IGSF11: variants seen among roughly 807,000 people sequenced by gnomAD.
IGSF11 encodes immunoglobulin superfamily member 11, also known as CXADR like 1.
IGSF11 carries 22 observed loss-of-function variants against 41.0 expected under a neutral mutation model. That is an observed-to-expected ratio of 0.54 (90% CI 0.38 to 0.77). The LOEUF is 0.77. Ranked by LOEUF, IGSF11 falls within the 30% of genes least tolerant of loss-of-function variation. The pLI is 0.00. For missense variants in IGSF11, 444 were observed against 530.8 expected (o/e 0.84, Z 1.61); for synonymous variants, 219 against 201.3 (o/e 1.09, Z -0.74).
At chr3:118,923,795 T>G (rs1942051017) in intron 4 of IGSF11, among the ~76,000 whole-genome samples, 1 of 152,212 alleles carries the variant, frequency 6.6e-6, no homozygotes, top group Non-Finnish European at 1.5e-5. Flanking sequence ...AGGTTATGTG[T>G]TTTTGACAGC....
At chr3:119,034,851 G>A (rs755662661), upstream of IGSF11, 28 of 1,219,308 alleles carry the variant, frequency 2.3e-5, no homozygotes, top group East Asian at 1.3e-4. Flanking sequence ...AGGACTAGCC[G>A]ACCCCTCGCG....
chr3:119,051,182 T>A (rs1941612223), intron 1 of IGSF11, among the ~76,000 whole-genome samples: 1 of 148,876 alleles, frequency 6.7e-6, no homozygotes, highest in African/African-American at 2.5e-5. Flanking sequence ...TAAATAAATT[T>A]CAAAAAAAAA....
chr3:118,992,826 T>C (rs770351748), intron 1 of IGSF11, among the ~76,000 whole-genome samples: 9 of 152,238 alleles, frequency 5.9e-5, no homozygotes, highest in African/African-American at 9.6e-5. Context: ...TTAAGAATTT[T>C]GGTGTTCCAA....
intron 1 of IGSF11, among the ~76,000 whole-genome samples, chr3:119,129,984 TA>T (rs1384732288): frequency 6.6e-6 from 1 of 151,852 alleles, no homozygotes; most frequent in East Asian, 1.9e-4. Context: ...GACTCTGTCT[TA>T]AAAAAAATTT....
At chr3:118,910,732 T>A (rs1359556400) in intron 4 of IGSF11, among the ~76,000 whole-genome samples, 1 of 152,182 alleles carries the variant, frequency 6.6e-6, no homozygotes, top group Non-Finnish European at 1.5e-5. Context: ...AACCTTTATG[T>A]CAGCTTCACA....
chr3:119,102,548 T>A (rs887967589), intron 1 of IGSF11, among the ~76,000 whole-genome samples: 7 of 152,206 alleles, frequency 4.6e-5, no homozygotes, highest in Admixed American at 2.6e-4. Flanking sequence ...AGAATACCAT[T>A]TCCATACTTA....
At chr3:119,041,384 C>G (rs1941114052) in intron 1 of IGSF11, among the ~76,000 whole-genome samples, 1 of 152,106 alleles carries the variant, frequency 6.6e-6, no homozygotes, top group Non-Finnish European at 1.5e-5. Flanking sequence ...GAGTTTGAGA[C>G]CAGCCTGGCC....
intron 1 of IGSF11, among the ~76,000 whole-genome samples, chr3:119,113,670 G>A (rs1188007534): frequency 4.6e-5 from 7 of 152,184 alleles, no homozygotes; most frequent in South Asian, 2.1e-4. Context: ...GCAAGCTGTC[G>A]ATGGATCTAC....
intron 4 of IGSF11, among the ~76,000 whole-genome samples, chr3:118,920,201 G>A (rs866345643): frequency 7.8e-4 from 117 of 149,808 alleles, no homozygotes; most frequent in African/African-American, 2.6e-3. Flanking sequence ...CATGGCACAT[G>A]TATACATATG....
intron 1 of IGSF11, among the ~76,000 whole-genome samples, chr3:119,052,718 C>T (rs1165461328): frequency 6.6e-6 from 1 of 151,930 alleles, no homozygotes; most frequent in African/African-American, 2.4e-5. Context: ...ACCAATATCC[C>T]TAATGAACAT....
intron 1 of IGSF11, among the ~76,000 whole-genome samples, chr3:119,130,116 C>T (rs2077459297): frequency 6.6e-6 from 1 of 152,118 alleles, no homozygotes. Flanking sequence ...GGAACAGCTC[C>T]AGTCTGCAGC....
intron 1 of IGSF11, chr3:118,946,001 A>C (rs1467802608): frequency 6.6e-6 from 1 of 152,124 alleles, no homozygotes; most frequent in Admixed American, 6.5e-5. Context: ...GAAGATCATC[A>C]CATGAGGGCA....
rs375510785 is a variant in IGSF11 at position 119,013,794 on chromosome 3, T to C, written c.52+20737A>G. ...TCTTGCCCAAATTCACTCATCTAGTTAATGGCAAAGATAAGATACAAGAGT... is the reference window on the plus strand; with the variant it reads ...TCTTGCCCAAATTCACTCATCTAGTCAATGGCAAAGATAAGATACAAGAGT... On this transcript the variant is annotated intron_variant, in intron 1 of 6. Transcript: ENST00000393775. 1.1e-4 allele frequency among the ~76,000 whole-genome samples: 17 copies of C among 152,340 alleles called. No homozygotes were observed. In the East Asian group the frequency reaches 1.3e-3, roughly 12 times the overall value.
intron 1 of IGSF11, among the ~76,000 whole-genome samples, chr3:119,054,510 T>A (rs1941745103): frequency 6.6e-6 from 1 of 152,126 alleles, no homozygotes; most frequent in African/African-American, 2.4e-5. Context: ...AGAACGGCCA[T>A]AATTGAAAAC....
At chr3:118,924,880 T>G (rs1411361617) in intron 4 of IGSF11, among the ~76,000 whole-genome samples, 1 of 152,166 alleles carries the variant, frequency 6.6e-6, no homozygotes, top group Non-Finnish European at 1.5e-5. Context: ...AAGTGAACTG[T>G]TACAGAAACA....
chr3:118,946,560 T>C (rs1440117477), intron 1 of IGSF11, among the ~76,000 whole-genome samples: 1 of 152,202 alleles, frequency 6.6e-6, no homozygotes, highest in East Asian at 1.9e-4. Flanking sequence ...TTACTATTCC[T>C]GAATAAGACT....
chr3:118,991,941 C>G (rs944371881), intron 1 of IGSF11, among the ~76,000 whole-genome samples: 1 of 152,214 alleles, frequency 6.6e-6, no homozygotes, highest in African/African-American at 2.4e-5. Flanking sequence ...CTGCTAGTCC[C>G]GTACAATGCA....
At chr3:118,936,016 T>TGTAATAAAAAGTTTCTTAGA (rs1365686562) in intron 1 of IGSF11, among the ~76,000 whole-genome samples, 1 of 152,064 alleles carries the variant, frequency 6.6e-6, no homozygotes, top group African/African-American at 2.4e-5. Context: ...TAGAACTATG[T>TGTAATAAAAAGTTTCTTAGA]GTAATAAAAA....
At chr3:118,914,538 C>A (rs1306293527) in intron 4 of IGSF11, among the ~76,000 whole-genome samples, 1 of 151,760 alleles carries the variant, frequency 6.6e-6, no homozygotes, top group East Asian at 1.9e-4. Context: ...GAATATGGCG[C>A]TTTTCAGACC....
Sources: allele counts gnomAD v4.1 joint callset (sites outside exome capture counted in the v4.1 genomes callset), GRCh38; gene constraint gnomAD v4.1.1; transcripts MANE v1.5; gene names NCBI Gene and HGNC (gene_info 2026-07-23, HGNC 2026-07-21).